SAMSN1: variants seen among roughly 807,000 people sequenced by gnomAD.
The protein encoded by SAMSN1 is SAM domain-containing protein SAMSN-1.
A neutral mutation model predicts 42.0 loss-of-function variants in SAMSN1; 31 were observed. That is an observed-to-expected ratio of 0.74 (90% CI 0.55 to 1.00). SAMSN1 has a LOEUF of 1.00. Ranked by LOEUF, SAMSN1 falls within the 50% of genes least tolerant of loss-of-function variation. SAMSN1 has a pLI of 0.00. For synonymous variants in SAMSN1, 178 were observed against 151.9 expected, an observed-to-expected ratio of 1.17 and a Z score of -1.26; for missense variants, 464 against 439.4, an observed-to-expected ratio of 1.06 and a Z score of -0.50.
At chr21:14,614,390 T>C (rs1352249927) in intron 3 of SAMSN1, among the ~76,000 whole-genome samples, 2 of 152,078 alleles carry the variant, frequency 1.3e-5, no homozygotes, top group South Asian at 2.1e-4. Flanking sequence ...CTATGTATGA[T>C]TGAAAATTTC....
intron 3 of SAMSN1, among the ~76,000 whole-genome samples, chr21:14,513,188 G>A (rs535976943): frequency 5.3e-5 from 8 of 152,218 alleles, no homozygotes; most frequent in Admixed American, 1.3e-4. Flanking sequence ...ATATTTTCTT[G>A]AAAACATCTC....
intron 2 of SAMSN1, among the ~76,000 whole-genome samples, chr21:14,620,271 G>A (rs1045993930): frequency 6.6e-5 from 10 of 152,130 alleles, no homozygotes; most frequent in African/African-American, 2.4e-4. Flanking sequence ...GAACTTGGAG[G>A]GAATTGGGTC....
intron 2 of SAMSN1, among the ~76,000 whole-genome samples, chr21:14,641,802 T>A (rs1044707477): frequency 1.4e-4 from 22 of 152,272 alleles, no homozygotes; most frequent in African/African-American, 5.3e-4. Context: ...TAAATTATAG[T>A]TGACCCTTTA....
chr21:14,640,988 G>T (rs1000874306), intron 2 of SAMSN1, among the ~76,000 whole-genome samples: 1 of 131,048 alleles, frequency 7.6e-6, no homozygotes, highest in Non-Finnish European at 1.7e-5. Flanking sequence ...GAAATGGTTT[G>T]GTTTTTATGC....
chr21:14,595,116 C>T (rs763650424), intron 6 of SAMSN1, among the ~76,000 whole-genome samples: 1 of 152,134 alleles, frequency 6.6e-6, no homozygotes, highest in Non-Finnish European at 1.5e-5. Context: ...TGGGTTAATG[C>T]TAAACCATTC....
At chr21:14,525,867 T>C (rs1978816192) in intron 1 of SAMSN1, among the ~76,000 whole-genome samples, 1 of 152,224 alleles carries the variant, frequency 6.6e-6, no homozygotes, top group Non-Finnish European at 1.5e-5. Flanking sequence ...ACTTTATTTA[T>C]TTATTTACTT....
Position 14,615,483 on chromosome 21 carries a change from G to A in SAMSN1, c.197+493C>T, listed in dbSNP as rs76337047. Among the ~76,000 whole-genome samples the A allele has an allele frequency of 8.5e-3, 1,289 of 152,114 alleles. 22 individuals carry two copies. The highest frequency in any genetic ancestry group is 0.03 in the African/African-American group (1,241 of 41,492). On this transcript the variant is annotated intron_variant, in intron 3 of 15. Transcript: ENST00000647101. ...CAATCTGAAAATTTCCCCATAAACC[G>A]GCTTCCTGCCCATGTGTAATTCGTG...
intron 5 of SAMSN1, among the ~76,000 whole-genome samples, chr21:14,608,136 A>G (rs1485318091): frequency 1.3e-5 from 2 of 152,212 alleles, no homozygotes; most frequent in Non-Finnish European, 2.9e-5. Context: ...GAGCACCTCC[A>G]TAAGTAACTA....
chr21:14,571,981 G>C (rs538191367), intron 2 of SAMSN1, among the ~76,000 whole-genome samples: 1 of 150,884 alleles, frequency 6.6e-6, no homozygotes, highest in South Asian at 2.1e-4. Flanking sequence ...AACCAGTAAT[G>C]TAAATTCAGT....
At chr21:14,493,900 T>C (rs772635031) in intron 7 of SAMSN1, among the ~76,000 whole-genome samples, 1 of 152,200 alleles carries the variant, frequency 6.6e-6, no homozygotes, top group Middle Eastern at 3.4e-3. Flanking sequence ...AACCCCAGGG[T>C]GGTTATCCTC....
At chr21:14,521,017 C>T in intron 2 of SAMSN1, 133 bp downstream of exon 2, 1 of 644,812 alleles carries the variant, frequency 1.6e-6, no homozygotes, top group Non-Finnish European at 2.7e-6. Flanking sequence ...TCATTTATCA[C>T]AAAAACATAT....
intron 2 of SAMSN1, among the ~76,000 whole-genome samples, chr21:14,575,890 G>A (rs572440323): frequency 1.2e-4 from 19 of 152,112 alleles, no homozygotes; most frequent in Non-Finnish European, 2.6e-4. Flanking sequence ...CTTTGCATAT[G>A]TCTATTTTTC....
exon 5 of SAMSN1, chr21:14,609,507 G>A (rs1192222708): frequency 2.8e-6 from 2 of 718,076 alleles, no homozygotes; most frequent in East Asian, 2.7e-5. Context: ...GCCTTCTGAT[G>A]TGGGAATCAT....
intron 2 of SAMSN1, among the ~76,000 whole-genome samples, chr21:14,630,383 A>G (rs1365102077): frequency 1.3e-5 from 2 of 149,850 alleles, no homozygotes; most frequent in Non-Finnish European, 3.0e-5. Context: ...TTTGCTTTAC[A>G]GCTTTTTTTT....
At chr21:14,554,776 A>G (rs1440271464) in intron 2 of SAMSN1, among the ~76,000 whole-genome samples, 22 of 147,722 alleles carry the variant, frequency 1.5e-4, no homozygotes, top group African/African-American at 5.3e-4. Flanking sequence ...ATGGCTCACT[A>G]CAGCTTTAAA....
intron 4 of SAMSN1, among the ~76,000 whole-genome samples, chr21:14,610,030 T>A (rs1190260939): frequency 6.6e-6 from 1 of 152,154 alleles, no homozygotes; most frequent in Non-Finnish European, 1.5e-5. Flanking sequence ...AAATTGTTTG[T>A]AGAGCATGTG....
chr21:14,555,104 T>TA (rs1980720669), intron 2 of SAMSN1, among the ~76,000 whole-genome samples: 1 of 152,178 alleles, frequency 6.6e-6, no homozygotes. Flanking sequence ...TGCTGGGCTG[T>TA]GGAGAAAAGA....
intron 1 of SAMSN1, among the ~76,000 whole-genome samples, chr21:14,530,246 G>A (rs1240152092): frequency 1.3e-5 from 2 of 151,462 alleles, no homozygotes; most frequent in African/African-American, 4.9e-5. Flanking sequence ...GAACCTGGGA[G>A]GCGGAGCTTG....
At chr21:14,638,977 A>G (rs935589328) in intron 2 of SAMSN1, among the ~76,000 whole-genome samples, 3 of 152,212 alleles carry the variant, frequency 2.0e-5, no homozygotes, top group Non-Finnish European at 2.9e-5. Context: ...TATTTAGCTG[A>G]CAAATATTTA....
Sources: gnomAD v4.1 joint callset for allele counts (sites outside exome capture counted in the v4.1 genomes callset) on GRCh38, gnomAD v4.1.1 for gene constraint, MANE v1.5 for transcripts, NCBI Gene and HGNC (gene_info 2026-07-23, HGNC 2026-07-21) for gene names.